Variants in PAK5 observed in about 807,000 individuals in gnomAD.
PAK5 encodes p21 (RAC1) activated kinase 5.
Under a neutral mutation model 65.9 loss-of-function variants are expected in PAK5, and 16 were observed. The observed-to-expected ratio is 0.24, with a 90% confidence interval of 0.16 to 0.37. The LOEUF is 0.37. Ranked by LOEUF, PAK5 falls within the 10% of genes least tolerant of loss-of-function variation. PAK5 has a pLI of 1.00. For missense variants in PAK5, 785 were observed against 903.9 expected (o/e 0.87, Z 1.69); for synonymous variants, 371 against 354.9 (o/e 1.05, Z -0.51).
chr20:9,788,675 T>C (rs919744920), intron 1 of PAK5, among the ~76,000 whole-genome samples: 5 of 152,154 alleles, frequency 3.3e-5, no homozygotes, highest in African/African-American at 1.2e-4. Flanking sequence ...ACTTTCATGT[T>C]TGTTTAAACT....
intron 3 of PAK5, among the ~76,000 whole-genome samples, chr20:9,586,566 A>G (rs1433167881): frequency 6.6e-6 from 1 of 152,186 alleles, no homozygotes; most frequent in Non-Finnish European, 1.5e-5. Flanking sequence ...ACTAAGAACA[A>G]CATAATGAAG....
At chr20:9,704,321 T>C (rs1044672397) in intron 2 of PAK5, among the ~76,000 whole-genome samples, 4 of 152,162 alleles carry the variant, frequency 2.6e-5, no homozygotes, top group African/African-American at 9.6e-5. Flanking sequence ...CATCCTCAGC[T>C]TAACATTTTC....
At chr20:9,748,631 A>G (rs1448990697) in intron 1 of PAK5, among the ~76,000 whole-genome samples, 1 of 152,182 alleles carries the variant, frequency 6.6e-6, no homozygotes, top group East Asian at 1.9e-4. Flanking sequence ...ATACTACAGT[A>G]AAGTGCACAA....
chr20:9,646,723 A>G (rs1160780303), intron 2 of PAK5, among the ~76,000 whole-genome samples: 2 of 152,234 alleles, frequency 1.3e-5, no homozygotes, highest in Non-Finnish European at 2.9e-5. Flanking sequence ...ATATGACACC[A>G]ATACGCACTG....
intron 1 of PAK5, among the ~76,000 whole-genome samples, chr20:9,802,910 G>GTATATATATATATATATATATATACA: frequency 2.2e-5 from 1 of 46,378 alleles, no homozygotes; most frequent in Middle Eastern, 0.018. Context: ...ATATGTATGT[G>GTATATATATATATATATATATATACA]TATATATATA....
intron 2 of PAK5, among the ~76,000 whole-genome samples, chr20:9,674,484 T>C (rs1203533101): frequency 6.6e-6 from 1 of 152,240 alleles, no homozygotes; most frequent in East Asian, 1.9e-4. Context: ...TAGATCTTGC[T>C]GTGGAGTAAT....
chr20:9,658,963 C>G (rs1403766689), intron 2 of PAK5, among the ~76,000 whole-genome samples: 3 of 152,110 alleles, frequency 2.0e-5, no homozygotes, highest in African/African-American at 4.8e-5. Flanking sequence ...TCTGCCCTCT[C>G]TTAAAAAGGC....
intron 2 of PAK5, among the ~76,000 whole-genome samples, chr20:9,670,983 T>C (rs2047488823): frequency 6.6e-6 from 1 of 152,226 alleles, no homozygotes; most frequent in African/African-American, 2.4e-5. Context: ...GTTTCAGCTT[T>C]CTACATATGG....
intron 2 of PAK5, among the ~76,000 whole-genome samples, chr20:9,689,954 C>T (rs959268382): frequency 6.6e-6 from 1 of 152,070 alleles, no homozygotes; most frequent in Non-Finnish European, 1.5e-5. Flanking sequence ...ATACAGACAC[C>T]CTCACATGAA....
intron 1 of PAK5, among the ~76,000 whole-genome samples, chr20:9,806,991 G>C (rs1294174163): frequency 1.3e-5 from 2 of 151,978 alleles, no homozygotes; most frequent in African/African-American, 4.8e-5. Flanking sequence ...TCCTTGGCTT[G>C]TGACCTCTTC....
chr20:9,715,951 T>A (rs1461109168), intron 1 of PAK5, among the ~76,000 whole-genome samples: 1 of 151,814 alleles, frequency 6.6e-6, no homozygotes, highest in Non-Finnish European at 1.5e-5. Flanking sequence ...ATGTAAATGA[T>A]GAGTTAATGG....
chr20:9,703,276 C>A (rs1324976151), intron 2 of PAK5, among the ~76,000 whole-genome samples: 1 of 152,096 alleles, frequency 6.6e-6, no homozygotes, highest in Admixed American at 6.6e-5. Context: ...CAATGAATAC[C>A]CTCTGATCTA....
At chr20:9,714,943 T>G (rs990998289) in intron 1 of PAK5, among the ~76,000 whole-genome samples, 3 of 152,120 alleles carry the variant, frequency 2.0e-5, no homozygotes, top group Non-Finnish European at 2.9e-5. Context: ...ATAAAAACCC[T>G]AGAAGAAAAC....
chr20:9,827,999 T>A (rs557213428), intron 1 of PAK5, among the ~76,000 whole-genome samples: 1 of 152,000 alleles, frequency 6.6e-6, no homozygotes, highest in African/African-American at 2.4e-5. Context: ...GCCCAGCTAA[T>A]GTTTTTTTGT....
intron 3 of PAK5, among the ~76,000 whole-genome samples, chr20:9,628,419 T>C (rs2046877122): frequency 6.6e-6 from 1 of 152,232 alleles, no homozygotes; most frequent in Non-Finnish European, 1.5e-5. Context: ...ATTCATTCAT[T>C]AGGTATGAAT....
At chr20:9,631,169 C>T (rs1369440212) in intron 3 of PAK5, among the ~76,000 whole-genome samples, 11 of 152,086 alleles carry the variant, frequency 7.2e-5, no homozygotes, top group Admixed American at 6.6e-4. Context: ...TAGACAGACC[C>T]TAGGGTGACC....
chr20:9,704,872 C>T (rs929648501), intron 2 of PAK5, among the ~76,000 whole-genome samples: 7 of 152,088 alleles, frequency 4.6e-5, no homozygotes, highest in Non-Finnish European at 1.0e-4. Flanking sequence ...CAGAGACATG[C>T]TGTATAGGCC....
intron 1 of PAK5, among the ~76,000 whole-genome samples, chr20:9,750,211 C>T (rs1056656350): frequency 6.6e-6 from 1 of 151,960 alleles, no homozygotes; most frequent in African/African-American, 2.4e-5. Context: ...CCTCCTAACA[C>T]GTACAAGCAG....
At chr20:9,787,658 T>G (rs548764363) in intron 1 of PAK5, among the ~76,000 whole-genome samples, 1 of 147,548 alleles carries the variant, frequency 6.8e-6, no homozygotes, top group Non-Finnish European at 1.5e-5. Flanking sequence ...TGTGTGTGTA[T>G]GTGTATACAT....
Sources: gnomAD v4.1 joint callset for allele counts (sites outside exome capture counted in the v4.1 genomes callset) on GRCh38, gnomAD v4.1.1 for gene constraint, MANE v1.5 for transcripts, NCBI Gene and HGNC (gene_info 2026-07-23, HGNC 2026-07-21) for gene names.